POC1B: variants seen among roughly 807,000 people sequenced by gnomAD.
The protein encoded by POC1B is POC1 centriolar protein B, also known as POC1 centriolar protein homolog B.
A neutral mutation model predicts 60.6 loss-of-function variants in POC1B; 44 were observed. The observed-to-expected ratio is 0.73, with a 90% CI of 0.57 to 0.93. POC1B has a LOEUF of 0.93. POC1B is among the 40% of genes least tolerant of loss of function. The pLI, the probability that POC1B is intolerant of heterozygous loss-of-function variation, is 0.00. For synonymous variants in POC1B, 180 were observed against 198.9 expected (o/e 0.90, Z 0.80); for missense variants, 555 against 572.3 (o/e 0.97, Z 0.31).
chr12:89,503,178 T>C (rs1869678371), intron 2 of POC1B, among the ~76,000 whole-genome samples: 3 of 152,300 alleles, frequency 2.0e-5, no homozygotes, highest in African/African-American at 7.2e-5. Context: ...GAAGCTGGAC[T>C]GTACTGCTGC....
intron 2 of POC1B, chr12:89,524,694 C>T (rs1565767014): frequency 8.1e-6 from 7 of 861,100 alleles, no homozygotes; most frequent in Non-Finnish European, 9.0e-6. Flanking sequence ...GCCACCCAGG[C>T]TTTCCAGGGG....
At chr12:89,497,874 T>C (rs1398234788) in intron 2 of POC1B, among the ~76,000 whole-genome samples, 1 of 152,198 alleles carries the variant, frequency 6.6e-6, no homozygotes, top group Non-Finnish European at 1.5e-5. Flanking sequence ...CTTCATTTGG[T>C]TTGTAATTTG....
chr12:89,473,672 A>AG (rs1882996192), intron 4 of POC1B, among the ~76,000 whole-genome samples: 2 of 151,440 alleles, frequency 1.3e-5, no homozygotes, highest in Non-Finnish European at 2.9e-5. Flanking sequence ...AAAAGAAAAA[A>AG]AAAAAAAAAA....
chr12:89,525,524 G>A, intron 1 of POC1B: 3 of 1,307,970 alleles, frequency 2.3e-6, no homozygotes, highest in Non-Finnish European at 2.9e-6. Context: ...AGGCAGGCAG[G>A]TGCGAGGATG....
chr12:89,418,655 C>A (rs148862370), downstream of POC1B, among the ~76,000 whole-genome samples: 1 of 152,220 alleles, frequency 6.6e-6, no homozygotes, highest in East Asian at 1.9e-4. Context: ...AGAGTGAGTT[C>A]TCAGTCTTAG....
At chr12:89,444,505 C>T (rs1386704776) in intron 10 of POC1B, among the ~76,000 whole-genome samples, 1 of 152,086 alleles carries the variant, frequency 6.6e-6, no homozygotes, top group Non-Finnish European at 1.5e-5. Context: ...AGACAAAAAC[C>T]ACACAATTAT....
At position 89,420,317 on chromosome 12, in the gene POC1B, C is replaced by T. The variant is rs1318364856; in HGVS notation, c.*836G>A. On this transcript the variant is annotated 3_prime_UTR_variant, in exon 12 of 12. Coordinates refer to ENST00000313546, the MANE Select transcript of POC1B (RefSeq NM_172240.3). The stretch of plus-strand genomic sequence containing the variant: ...CAAATCACCCTAAGCAACAATATTT[C>T]TGAAGCATGTGTACATACATGTGTG... 6.6e-6 allele frequency: 1 copy of T among 152,172 alleles called. No individual in the cohort carries two copies. The highest frequency in any genetic ancestry group is 1.5e-5 in the Non-Finnish European group (1 of 68,032). 9.4% of individuals were successfully genotyped at this position (152,172 alleles called of 1,614,324 possible).
chr12:89,434,628 T>C (rs1881173999), intron 10 of POC1B, among the ~76,000 whole-genome samples: 2 of 152,192 alleles, frequency 1.3e-5, no homozygotes, highest in Admixed American at 6.5e-5. Context: ...ATACTCCAAA[T>C]GAACATAACA....
chr12:89,497,028 T>C, intron 3 of POC1B, 143 bp downstream of exon 3: 1 of 826,716 alleles, frequency 1.2e-6, no homozygotes, highest in Admixed American at 2.5e-5. Flanking sequence ...TATGAATTAG[T>C]TTGACTTTAC....
rs182496305 is a variant in POC1B at position 89,502,781 on chromosome 12, T to C, written c.101-5439A>G. The C allele has an allele frequency of 6.1e-6, 8 of 1,312,116 alleles. No homozygotes were observed. In the Admixed American group the frequency reaches 1.3e-4, roughly 22 times the overall value. The allele number at this position is 1,312,116 out of a possible 1,614,324, so 81.3% of individuals were successfully genotyped here. A position where few individuals can be genotyped will look rare whatever the true frequency, so the allele number is the denominator to read the frequency against. On this transcript the variant is annotated intron_variant, in intron 2 of 11. Coordinates refer to ENST00000313546, the MANE Select transcript of POC1B (RefSeq NM_172240.3). ...GCAGCATGTTGGCCAGGATATATTG[T>C]TTTTTTATGTTAACTTTGGTGACCT...
At chr12:89,464,575 C>T (rs1882609839) in intron 9 of POC1B, among the ~76,000 whole-genome samples, 1 of 148,768 alleles carries the variant, frequency 6.7e-6, no homozygotes, top group South Asian at 2.1e-4. Flanking sequence ...ACAACCTCCG[C>T]CTCCCAGGTT....
Position 89,425,324 on chromosome 12 carries a change from T to C in POC1B, c.1169A>G (p.Tyr390Cys). 1 of 1,614,176 alleles carries C rather than the reference T, an allele frequency of 6.2e-7. No homozygotes were observed. The highest frequency in any genetic ancestry group is 8.5e-7 in the Non-Finnish European group (1 of 1,180,028). The change falls in exon 11 of 12, where the codon TAT (tyrosine) becomes TGT (cysteine). Residue 390 changes from tyrosine (Y) to cysteine (C), a missense_variant. Tyr to Cys is a radical substitution (Grantham distance 194, BLOSUM62 -2). Coordinates refer to ENST00000313546, the MANE Select transcript of POC1B (RefSeq NM_172240.3). Reference protein sequence around the residue: ...LPDKGEEACGYFLNPSLMSPE... With the variant: ...LPDKGEEACGCFLNPSLMSPE... ...TGACATTAAGGAAGGGTTCAAGAAA[T>C]ATCCACAGGCCTCTTCACCCTTGTC...
chr12:89,474,134 A>G (rs1883015700), intron 4 of POC1B, among the ~76,000 whole-genome samples: 1 of 152,012 alleles, frequency 6.6e-6, no homozygotes, highest in Non-Finnish European at 1.5e-5. Flanking sequence ...CGAACCCGGG[A>G]GGCAGAGGTT....
intron 4 of POC1B, among the ~76,000 whole-genome samples, chr12:89,486,032 C>T (rs1326693429): frequency 1.3e-5 from 2 of 152,156 alleles, no homozygotes; most frequent in African/African-American, 2.4e-5. Flanking sequence ...ATGTAAAAGA[C>T]CACCTCCCAA....
At chr12:89,466,544 C>A (rs941156885) in intron 9 of POC1B, 1 of 365,310 alleles carries the variant, frequency 2.7e-6, no homozygotes, top group Non-Finnish European at 4.9e-6. Context: ...TTTAATTTCT[C>A]ATTTCCTATT....
At chr12:89,473,670 A>AC (rs1480634520) in intron 4 of POC1B, among the ~76,000 whole-genome samples, 3 of 151,326 alleles carry the variant, frequency 2.0e-5, no homozygotes, top group Admixed American at 2.0e-4. Context: ...AGAAAAGAAA[A>AC]AAAAAAAAAA....
intron 10 of POC1B, among the ~76,000 whole-genome samples, chr12:89,444,357 T>C (rs1881669436): frequency 6.6e-6 from 1 of 152,122 alleles, no homozygotes; most frequent in South Asian, 2.1e-4. Context: ...AAATCCTCAA[T>C]AAAATACTGG....
intron 2 of POC1B, among the ~76,000 whole-genome samples, chr12:89,516,068 G>A (rs562643346): frequency 6.6e-6 from 1 of 152,082 alleles, no homozygotes; most frequent in Non-Finnish European, 1.5e-5. Context: ...AGTTCACATG[G>A]GTCTTATATA....
At chr12:89,411,307 G>A in the POC1B span, among the ~76,000 whole-genome samples, 1 of 152,160 alleles carries the variant, frequency 6.6e-6, no homozygotes, top group Non-Finnish European at 1.5e-5. Flanking sequence ...AACCCATATA[G>A]CCAAGACAAT....
Sources: allele counts gnomAD v4.1 joint callset (sites outside exome capture counted in the v4.1 genomes callset), GRCh38; gene constraint gnomAD v4.1.1; transcripts MANE v1.5; gene names NCBI Gene and HGNC (gene_info 2026-07-23, HGNC 2026-07-21).